Variants in USP34 observed in about 807,000 individuals in gnomAD.
USP34 encodes the protein ubiquitin carboxyl-terminal hydrolase 34.
In USP34, 70 loss-of-function variants were observed where a neutral mutation model predicts 460.3. The ratio of observed to expected loss-of-function variants is 0.15; its 90% confidence interval spans 0.13 to 0.19. USP34 has a LOEUF of 0.19. USP34 is among the 10% of genes least tolerant of loss of function. The pLI, the probability that USP34 is intolerant of heterozygous loss-of-function variation, is 1.00. For missense variants in USP34, 3,985 were observed against 4,236.2 expected (o/e 0.94, Z 1.65); for synonymous variants, 1,647 against 1,405.3 (o/e 1.17, Z -3.85).
intron 1 of USP34, among the ~76,000 whole-genome samples, chr2:61,453,499 C>A (rs1695344357): frequency 6.6e-6 from 1 of 151,768 alleles, no homozygotes; most frequent in African/African-American, 2.4e-5. Context: ...CACTTGAGGT[C>A]AGGAGTTCAA....
At chr2:61,417,333 T>C (rs1052713926) in intron 2 of USP34, 8 of 653,746 alleles carry the variant, frequency 1.2e-5, no homozygotes, top group Non-Finnish European at 1.9e-5. Context: ...CATTGCACAC[T>C]GGACCCCCAT....
Position 61,283,155 on chromosome 2 carries a change from A to C in USP34, c.4988T>G (p.Leu1663Arg), listed in dbSNP as rs6723818. The C allele has an allele frequency of 2.8e-3, 4,488 of 1,613,312 alleles. 106 individuals are homozygous for C. In the African/African-American group the frequency reaches 0.053, roughly 19 times the overall value. ...LQDWLKKLTL[L>R]IPETAVRHES... ...CAATCTTTATCTTACCTCAGGAATAAGGAGAGTCAATTTCTTTAGCCAATC... is the reference window on the plus strand; with the variant it reads ...CAATCTTTATCTTACCTCAGGAATACGGAGAGTCAATTTCTTTAGCCAATC... Residue 1663 changes from leucine to arginine, a missense_variant, in exon 37 of 80, where the codon CTT becomes CGT. Coordinates refer to ENST00000398571, the MANE Select transcript of USP34 (RefSeq NM_014709.4).
chr2:61,195,599 G>A (rs1479302403), intron 75 of USP34, among the ~76,000 whole-genome samples: 2 of 151,802 alleles, frequency 1.3e-5, no homozygotes, highest in Non-Finnish European at 2.9e-5. Flanking sequence ...TTGAACCCAG[G>A]AGGCAGAAGT....
At chr2:61,345,425 A>G (rs978591503) in intron 15 of USP34, among the ~76,000 whole-genome samples, 2 of 152,218 alleles carry the variant, frequency 1.3e-5, no homozygotes, top group Admixed American at 1.3e-4. Flanking sequence ...TAACAACTTA[A>G]TTGCATTCTG....
intron 11 of USP34, 35 bp downstream of exon 11, chr2:61,350,533 A>G (rs180964262): frequency 2.3e-4 from 202 of 884,572 alleles, no homozygotes; most frequent in African/African-American, 2.1e-3. Context: ...ACTTCACGGG[A>G]AAAAAAAAAA....
At position 61,281,258 on chromosome 2, in the gene USP34, A is replaced by G. The variant is rs1322530710; in HGVS notation, c.4999-16T>C. The G allele has an allele frequency of 3.7e-6, 6 of 1,603,876 alleles. No individual in the cohort carries two copies. In the African/African-American group the frequency reaches 5.4e-5, roughly 14 times the overall value. On this transcript the variant is annotated splice_polypyrimidine_tract_variant and intron_variant, in intron 37 of 79. Coordinates refer to ENST00000398571, the MANE Select transcript of USP34 (RefSeq NM_014709.4). Reference sequence around the variant, plus strand: ...GAACTGCAGTCTAGATGAAAAAGAAAGTTCCACAAACAGTGAGAGTTAGTA... The same window carrying G: ...GAACTGCAGTCTAGATGAAAAAGAAGGTTCCACAAACAGTGAGAGTTAGTA...
At chr2:61,194,165 C>G (rs1686725185) in intron 75 of USP34, 2 of 985,338 alleles carry the variant, frequency 2.0e-6, no homozygotes, top group Non-Finnish European at 2.4e-6. Flanking sequence ...CAGAACTTAC[C>G]AAGGATGCCT....
At chr2:61,453,002 T>A (rs977922312) in intron 1 of USP34, among the ~76,000 whole-genome samples, 1 of 151,918 alleles carries the variant, frequency 6.6e-6, no homozygotes, top group Admixed American at 6.6e-5. Context: ...TCATACAGAT[T>A]CTTAAAAATA....
chr2:61,236,831 A>G (rs1688082984), intron 53 of USP34, among the ~76,000 whole-genome samples: 1 of 152,226 alleles, frequency 6.6e-6, no homozygotes, highest in Non-Finnish European at 1.5e-5. Context: ...TGACATTAGG[A>G]CTGCAGGATC....
chr2:61,307,440 T>C (rs1380230416), intron 27 of USP34, among the ~76,000 whole-genome samples: 1 of 152,016 alleles, frequency 6.6e-6, no homozygotes, highest in Non-Finnish European at 1.5e-5. Context: ...GTTGTGCACA[T>C]GTACCCTAGA....
chr2:61,331,202 A>T, intron 20 of USP34, 74 bp downstream of exon 20: 2 of 1,301,006 alleles, frequency 1.5e-6, no homozygotes, highest in Non-Finnish European at 2.1e-6. Flanking sequence ...AAAAAAAGTT[A>T]AAACACTGGA....
In USP34 at chr2:61,348,436, T is replaced by G. The variant is rs1279504442; in HGVS notation, c.1719A>C (p.Glu573Asp). 3.1e-6 allele frequency: 5 copies of G among 1,613,488 alleles called. No homozygotes were observed. The East Asian group carries it at 1.1e-4, about 36-fold the overall frequency. The change falls in exon 15 of 80, where the codon GAA becomes GAC. Residue 573 changes from glutamate (E) to aspartate (D), a missense_variant. By Grantham distance (45) the Glu-to-Asp change is conservative. Transcript: ENST00000398571. ...TGCTACCAGGACCACTGCTTCCATC[T>G]TCACCACTGTTGGCAGTTTCGTCAG... ...GSSDETANSG[E>D]DGSSGPGSSS...
At chr2:61,451,306 T>C (rs1190534378) in intron 1 of USP34, among the ~76,000 whole-genome samples, 1 of 145,700 alleles carries the variant, frequency 6.9e-6, no homozygotes, top group African/African-American at 2.6e-5. Context: ...AGATAAATTA[T>C]AAAGTGACTA....
intron 8 of USP34, among the ~76,000 whole-genome samples, chr2:61,374,233 T>G (rs1031005138): frequency 6.6e-6 from 1 of 151,406 alleles, no homozygotes; most frequent in Non-Finnish European, 1.5e-5. Context: ...CCAACCCTTA[T>G]GCCTAAACAA....
chr2:61,404,975 C>T (rs952808244), intron 3 of USP34, among the ~76,000 whole-genome samples: 17 of 151,894 alleles, frequency 1.1e-4, no homozygotes, highest in Non-Finnish European at 2.5e-4. Context: ...CGTCTGTAAT[C>T]CCAGCACTTT....
intron 10 of USP34, among the ~76,000 whole-genome samples, chr2:61,358,155 G>A (rs992599030): frequency 1.3e-5 from 2 of 151,692 alleles, no homozygotes; most frequent in African/African-American, 4.8e-5. Context: ...TTGCACCACG[G>A]CACTCCAGCC....
At chr2:61,400,502 C>G (rs1053430311) in intron 3 of USP34, among the ~76,000 whole-genome samples, 8 of 152,052 alleles carry the variant, frequency 5.3e-5, no homozygotes, top group Non-Finnish European at 1.2e-4. Flanking sequence ...TTAAAAGTAA[C>G]TCAGTGATGT....
At chr2:61,315,064 C>A in intron 23 of USP34, 90 bp from the exon 24 acceptor site, 2 of 900,334 alleles carry the variant, frequency 2.2e-6, no homozygotes, top group Non-Finnish European at 3.4e-6. Flanking sequence ...AAATCATAGG[C>A]AACTCCTATT....
At chr2:61,271,152 T>G (rs1486195133) in intron 41 of USP34, among the ~76,000 whole-genome samples, 1 of 151,830 alleles carries the variant, frequency 6.6e-6, no homozygotes, top group African/African-American at 2.4e-5. Context: ...CAACAAAAAT[T>G]TAGCTGGGTG....
Sources: allele counts gnomAD v4.1 joint callset (sites outside exome capture counted in the v4.1 genomes callset), GRCh38; gene constraint gnomAD v4.1.1; transcripts MANE v1.5; gene names NCBI Gene and HGNC (gene_info 2026-07-23, HGNC 2026-07-21).